Variants in CNTNAP2 observed in about 807,000 individuals in gnomAD.
CNTNAP2 encodes contactin-associated protein-like 2.
In CNTNAP2, 98 loss-of-function variants were observed where a neutral mutation model predicts 155.2. The observed-to-expected ratio is 0.63, with a 90% CI of 0.54 to 0.75. The LOEUF (loss-of-function observed/expected upper bound fraction) is 0.75. Among genes scored for constraint, CNTNAP2 ranks in the 30% least tolerant of loss-of-function variants. The pLI, the probability that CNTNAP2 is intolerant of heterozygous loss-of-function variation, is 0.00. For synonymous variants in CNTNAP2, 651 were observed against 631.2 expected (o/e 1.03, Z -0.47); for missense variants, 1,727 against 1,688.1 (o/e 1.02, Z -0.40).
At chr7:147,276,091 T>C (rs866285142) in intron 8 of CNTNAP2, among the ~76,000 whole-genome samples, 1 of 152,048 alleles carries the variant, frequency 6.6e-6, no homozygotes, top group Non-Finnish European at 1.5e-5. Context: ...TGCATGTGTG[T>C]TTTTGCATGC....
chr7:147,827,328 T>A (rs976115858), intron 13 of CNTNAP2, among the ~76,000 whole-genome samples: 1 of 152,192 alleles, frequency 6.6e-6, no homozygotes, highest in African/African-American at 2.4e-5. Flanking sequence ...TGTGGCTTCA[T>A]GGCCTTGCAA....
chr7:148,330,739 ATGG>A (rs1797979722), intron 21 of CNTNAP2, among the ~76,000 whole-genome samples: 2 of 138,396 alleles, frequency 1.4e-5, no homozygotes, highest in East Asian at 2.4e-4. Context: ...GGATGGATGG[ATGG>A]ATGGATGGAG....
At chr7:146,770,319 C>T (rs1038685277) in intron 1 of CNTNAP2, among the ~76,000 whole-genome samples, 1 of 111,634 alleles carries the variant, frequency 9.0e-6, no homozygotes, top group South Asian at 2.6e-4. Flanking sequence ...TGTGTGTATA[C>T]ACACACACAC....
At chr7:147,212,853 G>T (rs150618429) in intron 8 of CNTNAP2, among the ~76,000 whole-genome samples, 2 of 152,256 alleles carry the variant, frequency 1.3e-5, no homozygotes, top group Non-Finnish European at 2.9e-5. Flanking sequence ...AAAATGAAAT[G>T]TGAACACTAA....
chr7:148,023,464 C>A (rs188624931), intron 15 of CNTNAP2, among the ~76,000 whole-genome samples: 1 of 152,240 alleles, frequency 6.6e-6, no homozygotes, highest in Non-Finnish European at 1.5e-5. Context: ...TATTTCTGTT[C>A]CCCTGAGTGT....
chr7:147,736,975 C>A (rs1010378401), intron 13 of CNTNAP2, among the ~76,000 whole-genome samples: 2 of 152,178 alleles, frequency 1.3e-5, no homozygotes, highest in Admixed American at 6.5e-5. Context: ...GAACTTCTTC[C>A]TTTAGCTCAG....
intron 13 of CNTNAP2, among the ~76,000 whole-genome samples, chr7:147,789,720 C>T (rs1026551889): frequency 7.2e-5 from 11 of 152,266 alleles, no homozygotes; most frequent in African/African-American, 2.2e-4. Flanking sequence ...AAAAAGCAGG[C>T]GGAAGGAGGT....
chr7:146,585,745 AAAG>A (rs972190321), intron 1 of CNTNAP2, among the ~76,000 whole-genome samples: 1 of 148,324 alleles, frequency 6.7e-6, no homozygotes, highest in South Asian at 2.1e-4. Context: ...AAAGAAAAAG[AAAG>A]AAGGAAAGAA....
intron 21 of CNTNAP2, among the ~76,000 whole-genome samples, chr7:148,319,660 G>A (rs2373342): frequency 0.045 from 6,882 of 151,830 alleles, 534 homozygotes; most frequent in African/African-American, 0.16. Context: ...GATTCTCATA[G>A]GAGCACAAAC....
At chr7:146,818,603 T>C (rs1314783056) in intron 2 of CNTNAP2, among the ~76,000 whole-genome samples, 1 of 152,100 alleles carries the variant, frequency 6.6e-6, no homozygotes, top group African/African-American at 2.4e-5. Flanking sequence ...TGTTACTAGC[T>C]CTCTGTGGCC....
At chr7:146,151,662 A>ATATATATATG (rs1798046233) in intron 1 of CNTNAP2, among the ~76,000 whole-genome samples, 8 of 43,704 alleles carry the variant, frequency 1.8e-4, no homozygotes, top group Non-Finnish European at 2.7e-4. Context: ...ATATATATAT[A>ATATATATATG]TATATATATA....
intron 4 of CNTNAP2, among the ~76,000 whole-genome samples, chr7:147,078,234 T>C (rs1192408104): frequency 6.6e-6 from 1 of 152,222 alleles, no homozygotes; most frequent in East Asian, 1.9e-4. Context: ...ATGCCAACTT[T>C]ATCTGCGAAA....
intron 18 of CNTNAP2, among the ~76,000 whole-genome samples, chr7:148,199,895 C>T (rs1321747569): frequency 1.3e-5 from 2 of 152,176 alleles, no homozygotes; most frequent in East Asian, 1.9e-4. Context: ...TCAGTCTGAG[C>T]CCAAAGGCTT....
intron 21 of CNTNAP2, among the ~76,000 whole-genome samples, chr7:148,308,006 A>G (rs555398434): frequency 3.9e-5 from 6 of 152,278 alleles, no homozygotes; most frequent in South Asian, 4.1e-4. Flanking sequence ...TCATTTCACA[A>G]TATTCTTGAC....
chr7:146,568,992 T>G (rs1434569517), intron 1 of CNTNAP2, among the ~76,000 whole-genome samples: 1 of 151,654 alleles, frequency 6.6e-6, no homozygotes, highest in African/African-American at 2.4e-5. Context: ...TACTTCTTTT[T>G]ATTTTTTTTA....
chr7:146,662,088 T>C (rs982869469), intron 1 of CNTNAP2, among the ~76,000 whole-genome samples: 1 of 152,244 alleles, frequency 6.6e-6, no homozygotes, highest in Admixed American at 6.5e-5. Context: ...TTGCCATCCT[T>C]ATCTGCCATC....
At chr7:146,678,769 A>G (rs1438973658) in intron 1 of CNTNAP2, among the ~76,000 whole-genome samples, 1 of 152,216 alleles carries the variant, frequency 6.6e-6, no homozygotes, top group Non-Finnish European at 1.5e-5. Flanking sequence ...TTTTGTATAG[A>G]CAATTAATAT....
chr7:147,851,016 C>T (rs1190807053), intron 13 of CNTNAP2, among the ~76,000 whole-genome samples: 2 of 152,224 alleles, frequency 1.3e-5, no homozygotes, highest in Non-Finnish European at 2.9e-5. Flanking sequence ...TTTTTGCAAT[C>T]TACCCATCTG....
At chr7:146,749,269 A>G (rs1259901974) in intron 1 of CNTNAP2, among the ~76,000 whole-genome samples, 1 of 152,142 alleles carries the variant, frequency 6.6e-6, no homozygotes, top group Non-Finnish European at 1.5e-5. Context: ...GTGTATCTTT[A>G]CTAAACCTAA....
Sources: gnomAD v4.1 joint callset for allele counts (sites outside exome capture counted in the v4.1 genomes callset) on GRCh38, gnomAD v4.1.1 for gene constraint, MANE v1.5 for transcripts, NCBI Gene and HGNC (gene_info 2026-07-23, HGNC 2026-07-21) for gene names.